Variants in GALNT13 observed in about 807,000 individuals in gnomAD.
GALNT13 encodes polypeptide N-acetylgalactosaminyltransferase 13.
GALNT13 carries 28 observed loss-of-function variants against 64.2 expected under a neutral mutation model. The ratio of observed to expected loss-of-function variants is 0.44; its 90% CI spans 0.32 to 0.60. The LOEUF (loss-of-function observed/expected upper bound fraction) is 0.60. GALNT13 is among the 20% of genes least tolerant of loss of function. The pLI is 0.05. For missense variants in GALNT13, 577 were observed against 669.8 expected, an observed-to-expected ratio of 0.86 and a Z score of 1.53; for synonymous variants, 214 against 224.6, an observed-to-expected ratio of 0.95 and a Z score of 0.42.
At chr2:153,437,410 A>G in the GALNT13 span, among the ~76,000 whole-genome samples, 2 of 152,008 alleles carry the variant, frequency 1.3e-5, no homozygotes, top group Non-Finnish European at 2.9e-5. Flanking sequence ...TGATCTGTCT[A>G]ATGTTGACAG....
chr2:154,128,970 C>G (rs1156485815), intron 3 of GALNT13, among the ~76,000 whole-genome samples: 1 of 152,002 alleles, frequency 6.6e-6, no homozygotes, highest in East Asian at 1.9e-4. Context: ...ATGTGGGCTT[C>G]CTCTCAGAAT....
chr2:154,267,231 T>A (rs1183199215), intron 8 of GALNT13, among the ~76,000 whole-genome samples: 1 of 152,092 alleles, frequency 6.6e-6, no homozygotes, highest in African/African-American at 2.4e-5. Context: ...AAAGAAAACA[T>A]AGGAGAAGAA....
the GALNT13 span, among the ~76,000 whole-genome samples, chr2:153,364,011 C>T: frequency 6.6e-6 from 1 of 152,258 alleles, no homozygotes; most frequent in Admixed American, 6.5e-5. Flanking sequence ...CAATCCAAAT[C>T]CAGCAGCACA....
At chr2:154,127,827 GAAATAT>G (rs1682383206) in intron 3 of GALNT13, among the ~76,000 whole-genome samples, 1 of 151,008 alleles carries the variant, frequency 6.6e-6, no homozygotes, top group South Asian at 2.1e-4. Context: ...TACATATGCA[GAAATAT>G]AAACCTGCAT....
At chr2:153,147,060 C>G in the GALNT13 span, among the ~76,000 whole-genome samples, 1 of 151,752 alleles carries the variant, frequency 6.6e-6, no homozygotes, top group African/African-American at 2.4e-5. Context: ...TTAGTAGTAT[C>G]TCATTTTATA....
At chr2:153,700,170 G>A in the GALNT13 span, among the ~76,000 whole-genome samples, 1 of 152,088 alleles carries the variant, frequency 6.6e-6, no homozygotes, top group African/African-American at 2.4e-5. Context: ...TTCATCCCTG[G>A]GATGCAAGGC....
chr2:153,704,107 A>G, the GALNT13 span, among the ~76,000 whole-genome samples: 1 of 152,136 alleles, frequency 6.6e-6, no homozygotes, highest in Non-Finnish European at 1.5e-5. Context: ...ATTTGTTAAT[A>G]TGGTAAGAAT....
At chr2:153,268,082 C>T in the GALNT13 span, among the ~76,000 whole-genome samples, 1 of 152,182 alleles carries the variant, frequency 6.6e-6, no homozygotes, top group African/African-American at 2.4e-5. Flanking sequence ...TCCCTTCCAA[C>T]AGTCCCCAAA....
At chr2:153,498,759 C>T in the GALNT13 span, among the ~76,000 whole-genome samples, 1 of 152,208 alleles carries the variant, frequency 6.6e-6, no homozygotes, top group African/African-American at 2.4e-5. Flanking sequence ...CTTCTCATTG[C>T]CTGAAATGCG....
intron 10 of GALNT13, among the ~76,000 whole-genome samples, chr2:154,397,986 T>C (rs1189332408): frequency 6.6e-6 from 1 of 152,230 alleles, no homozygotes; most frequent in Non-Finnish European, 1.5e-5. Context: ...GGCACTGATC[T>C]CACAGGGATT....
chr2:154,002,214 C>T (rs973971641), intron 3 of GALNT13, among the ~76,000 whole-genome samples: 6 of 151,988 alleles, frequency 3.9e-5, no homozygotes, highest in Admixed American at 6.6e-5. Context: ...TGTTATTCTC[C>T]ATATTTGGAA....
At chr2:154,362,465 T>C (rs963131907) in intron 9 of GALNT13, among the ~76,000 whole-genome samples, 22 of 152,040 alleles carry the variant, frequency 1.4e-4, no homozygotes, top group African/African-American at 4.8e-4. Flanking sequence ...GGAGAATGTT[T>C]AGCATATGAG....
intron 8 of GALNT13, among the ~76,000 whole-genome samples, chr2:154,284,076 C>T (rs1692118963): frequency 6.6e-6 from 1 of 152,132 alleles, no homozygotes; most frequent in Non-Finnish European, 1.5e-5. Flanking sequence ...ACAATCAAGT[C>T]AATTAACATA....
At chr2:153,396,194 A>C in the GALNT13 span, among the ~76,000 whole-genome samples, 1 of 152,224 alleles carries the variant, frequency 6.6e-6, no homozygotes, top group Non-Finnish European at 1.5e-5. Flanking sequence ...TGATTGGCTT[A>C]ATTACACATG....
the GALNT13 span, among the ~76,000 whole-genome samples, chr2:153,677,854 T>C: frequency 1.3e-5 from 2 of 152,082 alleles, no homozygotes; most frequent in African/African-American, 4.8e-5. Context: ...ACTGGACCCG[T>C]TCCTTTTGCC....
the GALNT13 span, among the ~76,000 whole-genome samples, chr2:153,406,286 TCTTC>T: frequency 6.6e-6 from 1 of 152,204 alleles, no homozygotes; most frequent in Non-Finnish European, 1.5e-5. Flanking sequence ...AAGTCCTAGT[TCTTC>T]CTTAAACTTT....
the GALNT13 span, among the ~76,000 whole-genome samples, chr2:153,167,047 C>T: frequency 3.3e-5 from 5 of 152,206 alleles, 1 homozygote; most frequent in Non-Finnish European, 7.3e-5. Context: ...TGCCTAGGCT[C>T]CTGACCCGAA....
the GALNT13 span, among the ~76,000 whole-genome samples, chr2:153,829,661 G>T: frequency 6.6e-6 from 1 of 152,204 alleles, no homozygotes; most frequent in South Asian, 2.1e-4. Context: ...CAAGCAGACA[G>T]TTAATTGTGT....
chr2:153,156,723 T>G, the GALNT13 span, among the ~76,000 whole-genome samples: 2 of 152,188 alleles, frequency 1.3e-5, 1 homozygote, highest in Middle Eastern at 6.3e-3. Context: ...CTGATGGTAT[T>G]ACTGTTTTAG....
Sources: gnomAD v4.1 joint callset for allele counts (sites outside exome capture counted in the v4.1 genomes callset) on GRCh38, gnomAD v4.1.1 for gene constraint, MANE v1.5 for transcripts, NCBI Gene and HGNC (gene_info 2026-07-23, HGNC 2026-07-21) for gene names.